The following GPATCH8 variants were observed in gnomAD, a reference collection of about 807,000 sequenced individuals.
The protein encoded by GPATCH8 is G patch domain-containing protein 8.
GPATCH8 carries 18 observed loss-of-function variants against 118.3 expected under a neutral mutation model. That is an observed-to-expected ratio of 0.15 (90% CI 0.11 to 0.23). GPATCH8 has a LOEUF of 0.23. GPATCH8 is among the 10% of genes least tolerant of loss of function. The pLI, the probability that GPATCH8 is intolerant of heterozygous loss-of-function variation, is 1.00. For missense variants in GPATCH8, 1,631 were observed against 1,873.8 expected (o/e 0.87, Z 2.39); for synonymous variants, 659 against 684.7 (o/e 0.96, Z 0.59).
chr17:44,464,926 CTTTAAGATTTTTTT>C, intron 2 of GPATCH8: 12 of 179,096 alleles, frequency 6.7e-5, no homozygotes, highest in South Asian at 3.4e-4. Context: ...AACAGCACCA[CTTTAAGATTTTTTT>C]TTTTTTAAAG....
At chr17:44,487,014 G>A (rs1410618167) in intron 1 of GPATCH8, among the ~76,000 whole-genome samples, 1 of 152,048 alleles carries the variant, frequency 6.6e-6, no homozygotes, top group Non-Finnish European at 1.5e-5. Flanking sequence ...ATCATTATCA[G>A]CCAAAGTCCA....
intron 3 of GPATCH8, among the ~76,000 whole-genome samples, chr17:44,450,126 G>A (rs1379143526): frequency 6.6e-6 from 1 of 152,210 alleles, no homozygotes; most frequent in Non-Finnish European, 1.5e-5. Context: ...ACTAGTTGCA[G>A]AGTTAGAATT....
At chr17:44,413,907 A>G (rs2049547125) in intron 6 of GPATCH8, among the ~76,000 whole-genome samples, 1 of 152,110 alleles carries the variant, frequency 6.6e-6, no homozygotes, top group South Asian at 2.1e-4. Context: ...GGTGTGAGCC[A>G]CTGTGCCCGG....
intron 6 of GPATCH8, among the ~76,000 whole-genome samples, chr17:44,419,563 T>C (rs969204118): frequency 6.6e-6 from 1 of 152,184 alleles, no homozygotes; most frequent in Non-Finnish European, 1.5e-5. Context: ...CACAGCTTAT[T>C]GCAACCTCAA....
intron 4 of GPATCH8, among the ~76,000 whole-genome samples, chr17:44,436,029 C>CAAA (rs1157048818): frequency 3.1e-3 from 130 of 41,362 alleles, no homozygotes; most frequent in East Asian, 6.0e-3. Flanking sequence ...AACTCCATCT[C>CAAA]AAAAAAAAAA....
At chr17:44,414,466 C>T (rs937977846) in intron 6 of GPATCH8, among the ~76,000 whole-genome samples, 5 of 151,990 alleles carry the variant, frequency 3.3e-5, no homozygotes, top group Non-Finnish European at 7.4e-5. Flanking sequence ...CTCCATCATG[C>T]CCTGCTAATT....
At chr17:44,491,672 A>G (rs947209440) in intron 1 of GPATCH8, among the ~76,000 whole-genome samples, 1 of 151,804 alleles carries the variant, frequency 6.6e-6, no homozygotes, top group Non-Finnish European at 1.5e-5. Flanking sequence ...ACAAAAGAAG[A>G]CTCCATCCCT....
chr17:44,489,948 G>A (rs143925264), intron 1 of GPATCH8, among the ~76,000 whole-genome samples: 1 of 151,954 alleles, frequency 6.6e-6, no homozygotes, highest in Admixed American at 6.6e-5. Flanking sequence ...ACCTCACTTA[G>A]ATCTCTGAAA....
At chr17:44,423,921 TTAA>T (rs1203312051) in intron 6 of GPATCH8, among the ~76,000 whole-genome samples, 4 of 152,132 alleles carry the variant, frequency 2.6e-5, no homozygotes, top group East Asian at 1.9e-4. Context: ...GCAAAATGAC[TTAA>T]TAATAGAAAA....
At chr17:44,435,031 C>T (rs895332547) in intron 5 of GPATCH8, 34 bp downstream of exon 5, 3 of 888,040 alleles carry the variant, frequency 3.4e-6, no homozygotes, top group Non-Finnish European at 5.8e-6. Context: ...GTGAGCACCT[C>T]CCCATCTCCC....
At chr17:44,417,918 A>G (rs2049747314) in intron 6 of GPATCH8, among the ~76,000 whole-genome samples, 1 of 152,246 alleles carries the variant, frequency 6.6e-6, no homozygotes, top group Non-Finnish European at 1.5e-5. Flanking sequence ...CAAAGCCTAA[A>G]TTATGTAAAA....
chr17:44,486,808 T>C (rs1968817572), intron 1 of GPATCH8: 1 of 152,240 alleles, frequency 6.6e-6, no homozygotes, highest in Non-Finnish European at 1.5e-5. Context: ...ACACATGCTC[T>C]TTGGAAGAAG....
At chr17:44,475,480 C>T (rs564783656) in intron 1 of GPATCH8, among the ~76,000 whole-genome samples, 122 of 151,824 alleles carry the variant, frequency 8.0e-4, no homozygotes, top group African/African-American at 2.7e-3. Flanking sequence ...AGGTGGATCA[C>T]GAGGCCAGGA....
At chr17:44,489,241 CTG>C (rs1238599691) in intron 1 of GPATCH8, among the ~76,000 whole-genome samples, 1 of 152,010 alleles carries the variant, frequency 6.6e-6, no homozygotes, top group Non-Finnish European at 1.5e-5. Flanking sequence ...ACTAAGCACT[CTG>C]TGAAAGAACC....
intron 1 of GPATCH8, among the ~76,000 whole-genome samples, chr17:44,492,515 T>C (rs1220126548): frequency 6.6e-6 from 1 of 151,584 alleles, no homozygotes; most frequent in African/African-American, 2.4e-5. Context: ...GAGCTTGCAG[T>C]GAGCCGAGAT....
chr17:44,453,245 G>T (rs1488937676), intron 3 of GPATCH8, among the ~76,000 whole-genome samples: 1 of 152,134 alleles, frequency 6.6e-6, no homozygotes, highest in Non-Finnish European at 1.5e-5. Flanking sequence ...ATTCAGTGTG[G>T]CATGAGCTTT....
At chr17:44,441,647 C>G (rs2144088319) in intron 3 of GPATCH8, among the ~76,000 whole-genome samples, 1 of 151,976 alleles carries the variant, frequency 6.6e-6, no homozygotes, top group African/African-American at 2.4e-5. Flanking sequence ...TCACTTTAAC[C>G]CGGGAGGCAG....
intron 3 of GPATCH8, among the ~76,000 whole-genome samples, chr17:44,455,048 G>C (rs1326477766): frequency 1.3e-5 from 2 of 152,046 alleles, no homozygotes; most frequent in Non-Finnish European, 2.9e-5. Flanking sequence ...TTTGTGATTT[G>C]GGGGAGCTAC....
At chr17:44,467,627 A>C (rs182890978) in intron 2 of GPATCH8, among the ~76,000 whole-genome samples, 28 of 152,336 alleles carry the variant, frequency 1.8e-4, no homozygotes, top group African/African-American at 6.7e-4. Context: ...CCTAGGGTAA[A>C]TGAATGACCA....
Sources: gnomAD v4.1 joint callset for allele counts (sites outside exome capture counted in the v4.1 genomes callset) on GRCh38, gnomAD v4.1.1 for gene constraint, MANE v1.5 for transcripts, NCBI Gene and HGNC (gene_info 2026-07-23, HGNC 2026-07-21) for gene names.